Variants in SPON1 observed in about 807,000 individuals in gnomAD.
SPON1 encodes spondin 1, also known as spondin-1.
In SPON1, 52 loss-of-function variants were observed where a neutral mutation model predicts 111.7. The observed-to-expected ratio is 0.47, with a 90% CI of 0.37 to 0.59. The LOEUF (loss-of-function observed/expected upper bound fraction) is 0.59. SPON1 is among the 20% of genes least tolerant of loss of function. The pLI is 0.00. For missense variants in SPON1, 957 were observed against 1,068.5 expected (o/e 0.90, Z 1.46); for synonymous variants, 410 against 395.8 (o/e 1.04, Z -0.43).
chr11:13,998,713 T>A (rs1848293348), intron 2 of SPON1, among the ~76,000 whole-genome samples: 2 of 152,220 alleles, frequency 1.3e-5, no homozygotes. Flanking sequence ...GGCCAGGTGA[T>A]AAGTGCTTTC....
chr11:14,262,661 A>G (rs1339561503), intron 14 of SPON1, 51 bp from the exon 15 acceptor site: 2 of 1,242,144 alleles, frequency 1.6e-6, no homozygotes, highest in South Asian at 2.8e-5. Context: ...GAGCGTGACC[A>G]TATCTTGTTT....
rs1198111903 is a variant in SPON1, at chr11:14,172,392, A to C, written c.825+36824A>C. 2.6e-5 allele frequency among the ~76,000 whole-genome samples: 4 copies of C among 151,654 alleles called. No individual in the cohort carries two copies. The South Asian group carries it at 6.2e-4, about 24-fold the overall frequency. ...ATTTTGAGCCTATGTGTGTCTCTGC[A>C]TGTGAGATGGGTTTCCTGAATACAG... On this transcript the variant is annotated intron_variant, in intron 6 of 15. Coordinates refer to ENST00000576479, the MANE Select transcript of SPON1 (RefSeq NM_006108.4).
chr11:14,081,362 G>T (rs1848960795), intron 5 of SPON1, among the ~76,000 whole-genome samples: 1 of 152,200 alleles, frequency 6.6e-6, no homozygotes, highest in Non-Finnish European at 1.5e-5. Context: ...AGAAAGAGGT[G>T]AAGACTATAA....
chr11:13,968,191 A>G, intron 1 of SPON1, among the ~76,000 whole-genome samples: 2 of 152,192 alleles, frequency 1.3e-5, no homozygotes, highest in South Asian at 2.1e-4. Context: ...GACTCTTACC[A>G]TGTTATATTA....
intron 6 of SPON1, among the ~76,000 whole-genome samples, chr11:14,164,744 C>G (rs1231439103): frequency 1.3e-5 from 2 of 152,102 alleles, no homozygotes; most frequent in African/African-American, 4.8e-5. Context: ...TCAGCCTCCC[C>G]TAGCAGTCAG....
At chr11:13,999,131 A>G (rs782393362) in intron 2 of SPON1, among the ~76,000 whole-genome samples, 1 of 152,214 alleles carries the variant, frequency 6.6e-6, no homozygotes, top group African/African-American at 2.4e-5. Flanking sequence ...TAGTTTACTG[A>G]AACAGTATCC....
chr11:14,235,466 C>T (rs2133914484), intron 6 of SPON1, among the ~76,000 whole-genome samples: 1 of 152,042 alleles, frequency 6.6e-6, no homozygotes, highest in Non-Finnish European at 1.5e-5. Context: ...ATGGCTTGAG[C>T]CCAGGAGTGT....
intron 2 of SPON1, among the ~76,000 whole-genome samples, chr11:13,994,684 T>G (rs1351310933): frequency 2.6e-5 from 4 of 152,114 alleles, no homozygotes; most frequent in Non-Finnish European, 4.4e-5. Flanking sequence ...AGATGAGAGA[T>G]TTGGATTTAT....
At chr11:14,035,687 A>C (rs190253698) in intron 2 of SPON1, among the ~76,000 whole-genome samples, 16 of 150,786 alleles carry the variant, frequency 1.1e-4, no homozygotes, top group African/African-American at 3.9e-4. Flanking sequence ...GCACAATCAC[A>C]GTTCACTGTA....
At chr11:14,150,783 G>T (rs955600112) in intron 6 of SPON1, among the ~76,000 whole-genome samples, 1 of 152,156 alleles carries the variant, frequency 6.6e-6, no homozygotes. Context: ...CTAAGGCTAG[G>T]AAAGTCAAGT....
At chr11:14,257,965 T>G in intron 11 of SPON1, 67 bp downstream of exon 11, 2 of 1,404,208 alleles carry the variant, frequency 1.4e-6, no homozygotes, top group Non-Finnish European at 1.9e-6. Context: ...TGCCTAGCAG[T>G]CAGACAGTGT....
intron 7 of SPON1, among the ~76,000 whole-genome samples, chr11:14,250,957 A>G (rs528897173): frequency 3.7e-4 from 57 of 152,240 alleles, no homozygotes; most frequent in Non-Finnish European, 6.6e-4. Flanking sequence ...TGGCATGCCA[A>G]GTTCTAAGCC....
chr11:14,059,424 G>A (rs1848773249), intron 3 of SPON1, among the ~76,000 whole-genome samples: 1 of 152,060 alleles, frequency 6.6e-6, no homozygotes, highest in South Asian at 2.1e-4. Context: ...AGGCAGGAGG[G>A]AATGGGAAAC....
chr11:14,210,956 G>T (rs1305355778), intron 6 of SPON1, among the ~76,000 whole-genome samples: 3 of 152,100 alleles, frequency 2.0e-5, no homozygotes, highest in African/African-American at 7.2e-5. Flanking sequence ...TGTTCCATTG[G>T]TCTATATATC....
chr11:14,041,189 C>G (rs1848628400), intron 2 of SPON1, among the ~76,000 whole-genome samples: 1 of 152,104 alleles, frequency 6.6e-6, no homozygotes. Flanking sequence ...ATTACCCCTC[C>G]CCCATCCTCC....
At chr11:14,264,160 C>G (rs891024087) in intron 15 of SPON1, among the ~76,000 whole-genome samples, 1 of 152,032 alleles carries the variant, frequency 6.6e-6, no homozygotes, top group African/African-American at 2.4e-5. Flanking sequence ...GCAGATGAAG[C>G]ACAGAGGACA....
chr11:14,026,140 T>C (rs1299283912), intron 2 of SPON1, among the ~76,000 whole-genome samples: 1 of 152,220 alleles, frequency 6.6e-6, no homozygotes, highest in East Asian at 1.9e-4. Flanking sequence ...GGAAATGCTC[T>C]CTTTGCTGCA....
intron 5 of SPON1, among the ~76,000 whole-genome samples, chr11:14,103,773 T>G (rs1849163912): frequency 1.3e-5 from 2 of 152,218 alleles, no homozygotes; most frequent in Non-Finnish European, 2.9e-5. Flanking sequence ...TGTTGTTCAA[T>G]CTATTAAATT....
chr11:14,017,686 A>C (rs1554914435), intron 2 of SPON1, among the ~76,000 whole-genome samples: 3 of 152,188 alleles, frequency 2.0e-5, no homozygotes. Flanking sequence ...GTTCAGGCAT[A>C]TTTCATTGGG....
Sources: allele counts gnomAD v4.1 joint callset (sites outside exome capture counted in the v4.1 genomes callset), GRCh38; gene constraint gnomAD v4.1.1; transcripts MANE v1.5; gene names NCBI Gene and HGNC (gene_info 2026-07-23, HGNC 2026-07-21).